Variants in ST8SIA6 observed in about 807,000 individuals in gnomAD.
ST8SIA6 encodes the protein ST8 alpha-N-acetyl-neuraminide alpha-2,8-sialyltransferase 6.
In ST8SIA6, 39 loss-of-function variants were observed where a neutral mutation model predicts 33.6. That is an observed-to-expected ratio of 1.16 (90% confidence interval 0.90 to 1.52). ST8SIA6 has a LOEUF of 1.52. ST8SIA6 is among the 40% of genes most tolerant of loss of function. ST8SIA6 has a pLI of 0.00. For synonymous variants in ST8SIA6, 172 were observed against 167.2 expected, an observed-to-expected ratio of 1.03 and a Z score of -0.22; for missense variants, 441 against 443.8, an observed-to-expected ratio of 0.99 and a Z score of 0.06.
chr10:17,318,700 A>G lies in ST8SIA6; in HGVS notation c.*2178T>C, dbSNP rs1847848368. ...GTTGTGGCGAATCTACAAATCTACAAGATGGAGTTTATAGTTTTTCTTTTT... is the reference window on the plus strand; with the variant it reads ...GTTGTGGCGAATCTACAAATCTACAGGATGGAGTTTATAGTTTTTCTTTTT... On this transcript the variant is annotated 3_prime_UTR_variant, in exon 8 of 8. Transcript: ENST00000377602. 2.1e-6 allele frequency: 1 copy of G among 471,236 alleles called. No homozygotes were observed. The highest frequency in any genetic ancestry group is 4.4e-6 in the Non-Finnish European group (1 of 227,086). The allele number at this position is 471,236 out of a possible 1,614,324, so 29.2% of individuals were successfully genotyped here.
chr10:17,448,380 C>T (rs1371148869), intron 2 of ST8SIA6, among the ~76,000 whole-genome samples: 1 of 152,084 alleles, frequency 6.6e-6, no homozygotes, highest in East Asian at 1.9e-4. Flanking sequence ...CCACACAATC[C>T]CAAATCATCA....
chr10:17,360,891 A>T (rs575011776), intron 3 of ST8SIA6, among the ~76,000 whole-genome samples: 8 of 150,682 alleles, frequency 5.3e-5, no homozygotes, highest in Admixed American at 5.3e-4. Flanking sequence ...AGAAGAAAGA[A>T]GATGACGAAG....
rs142192557 is a variant in ST8SIA6 at position 17,380,853 on chromosome 10, T to TTGTGTGTA, written c.290+9670_290+9677dup. ...TGTTTGTATGTGTACGTTTGTGTGTTTGTGTGTATGTGTTTGTATGTGTAC... is the reference window on the plus strand; with the variant it reads ...TGTTTGTATGTGTACGTTTGTGTGTTTGTGTGTATGTGTGTATGTGTTTGTATGTGTAC... On this transcript the variant is annotated intron_variant, in intron 3 of 7. Coordinates refer to ENST00000377602, the MANE Select transcript of ST8SIA6 (RefSeq NM_001004470.3). Among the ~76,000 whole-genome samples the TTGTGTGTA allele has an allele frequency of 4.7e-3, 408 of 86,258 alleles. 22 individuals are homozygous for TTGTGTGTA. Among genetic ancestry groups the TTGTGTGTA allele is most frequent in the East Asian group, 0.027 (26 of 978 alleles). 56.6% of individuals were successfully genotyped at this position (86,258 alleles called of 152,430 possible). A position where few individuals can be genotyped will look rare whatever the true frequency, so the allele number is the denominator to read the frequency against.
chr10:17,412,525 G>A (rs565549670), intron 2 of ST8SIA6, among the ~76,000 whole-genome samples: 1 of 152,154 alleles, frequency 6.6e-6, no homozygotes, highest in African/African-American at 2.4e-5. Context: ...ATTAACCTGC[G>A]TGAGCTCCAC....
At chr10:17,414,397 C>G (rs909196061) in intron 2 of ST8SIA6, among the ~76,000 whole-genome samples, 1 of 152,200 alleles carries the variant, frequency 6.6e-6, no homozygotes, top group Non-Finnish European at 1.5e-5. Context: ...CTGCTGATGA[C>G]CTCACTTCAT....
chr10:17,378,897 C>T lies in ST8SIA6; in HGVS notation c.290+11634G>A, dbSNP rs558670779. On this transcript the variant is annotated intron_variant, in intron 3 of 7. Transcript: ENST00000377602. The stretch of plus-strand genomic sequence containing the variant: ...ATCCCAACACTTTGGGAGGTCAAGG[C>T]GGGCGGATCATGAGGTCAGGAGATC... Among the ~76,000 whole-genome samples the T allele has an allele frequency of 3.1e-3, 473 of 152,174 alleles. 1 individual carries two copies. Among genetic ancestry groups the T allele is most frequent in the African/African-American group, 0.011 (445 of 41,520 alleles).
intron 3 of ST8SIA6, chr10:17,387,094 A>G (rs1850395500): frequency 6.6e-6 from 1 of 152,260 alleles, no homozygotes; most frequent in Non-Finnish European, 1.5e-5. Flanking sequence ...CACGTACGTC[A>G]GCCTCCCTGG....
chr10:17,333,990 G>A (rs1848419580), intron 4 of ST8SIA6, among the ~76,000 whole-genome samples: 1 of 148,992 alleles, frequency 6.7e-6, no homozygotes, highest in African/African-American at 2.5e-5. Context: ...CAAAGTGCTG[G>A]GATTACAGGC....
At chr10:17,351,411 A>G (rs564403809) in intron 4 of ST8SIA6, among the ~76,000 whole-genome samples, 1 of 150,338 alleles carries the variant, frequency 6.7e-6, no homozygotes, top group African/African-American at 2.5e-5. Flanking sequence ...GATAAAAGTA[A>G]AAAAAAATTT....
chr10:17,323,557 G>A (rs952460828), intron 6 of ST8SIA6, among the ~76,000 whole-genome samples: 2 of 151,772 alleles, frequency 1.3e-5, no homozygotes, highest in South Asian at 4.1e-4. Context: ...AAGCGAATTT[G>A]TATTTTTAGT....
intron 3 of ST8SIA6, among the ~76,000 whole-genome samples, chr10:17,365,258 G>A (rs534460704): frequency 6.6e-6 from 1 of 152,180 alleles, no homozygotes; most frequent in Admixed American, 6.5e-5. Context: ...TTCTAGAAAC[G>A]TCTCTTTGAA....
chr10:17,325,069 T>C (rs1288482262), intron 6 of ST8SIA6, among the ~76,000 whole-genome samples: 2 of 141,902 alleles, frequency 1.4e-5, no homozygotes, highest in Non-Finnish European at 3.0e-5. Flanking sequence ...ATATTATACA[T>C]ATATAATTAC....
intron 2 of ST8SIA6, 47 bp from the exon 3 acceptor site, chr10:17,390,667 C>T (rs771321502): frequency 1.4e-6 from 2 of 1,467,726 alleles, no homozygotes; most frequent in East Asian, 4.5e-5. Flanking sequence ...AAAATGAGAG[C>T]TTATAAGATA....
chr10:17,370,349 T>C (rs1243060083), intron 3 of ST8SIA6, among the ~76,000 whole-genome samples: 1 of 152,222 alleles, frequency 6.6e-6, no homozygotes, highest in African/African-American at 2.4e-5. Flanking sequence ...TTTATATAGT[T>C]AGATTTATGT....
intron 2 of ST8SIA6, among the ~76,000 whole-genome samples, chr10:17,416,115 T>C (rs761328343): frequency 3.9e-4 from 60 of 152,174 alleles, no homozygotes; most frequent in Non-Finnish European, 6.0e-4. Flanking sequence ...GCCGCACTTA[T>C]CTTACTTGAT....
chr10:17,407,638 A>G lies in ST8SIA6; in HGVS notation c.201-17018T>C, dbSNP rs1201580014. On this transcript the variant is annotated intron_variant, in intron 2 of 7. Transcript: ENST00000377602. Reference sequence around the variant, plus strand: ...TGTGAGTAAATCTTTTCTCTTTTGCAAAACCCATTGTCACCATGACTGGCT... The same window carrying G: ...TGTGAGTAAATCTTTTCTCTTTTGCGAAACCCATTGTCACCATGACTGGCT... Among the ~76,000 whole-genome samples, 3 of 152,206 alleles carry G rather than the reference A, an allele frequency of 2.0e-5. No individual in the cohort carries two copies. In the South Asian group the frequency reaches 6.2e-4, roughly 32 times the overall value.
chr10:17,415,960 AC>A (rs1222094263), intron 2 of ST8SIA6, among the ~76,000 whole-genome samples: 1 of 151,644 alleles, frequency 6.6e-6, no homozygotes, highest in African/African-American at 2.4e-5. Flanking sequence ...CAGGTGCGCC[AC>A]CGTGCTCAGC....
intron 2 of ST8SIA6, among the ~76,000 whole-genome samples, chr10:17,402,704 C>T (rs1851094301): frequency 6.6e-6 from 1 of 151,814 alleles, no homozygotes; most frequent in Non-Finnish European, 1.5e-5. Context: ...TGTTCTCACT[C>T]ATAGGTGGGA....
Position 17,417,145 on chromosome 10 carries a change from T to TAG in ST8SIA6, c.201-26527_201-26526dup, listed in dbSNP as rs147468456. On this transcript the variant is annotated intron_variant, in intron 2 of 7. Coordinates refer to ENST00000377602, the MANE Select transcript of ST8SIA6 (RefSeq NM_001004470.3). ...AAGGAGAGCCAGCACATCACATGGA[T>TAG]AGAGAGAGAGAGAGAGGAGACAGTG... 5.0e-4 allele frequency among the ~76,000 whole-genome samples: 75 copies of TAG among 150,008 alleles called. 1 individual carries two copies. Among genetic ancestry groups the TAG allele is most frequent in the African/African-American group, 8.5e-4 (35 of 41,088 alleles).
Sources: allele counts gnomAD v4.1 joint callset (sites outside exome capture counted in the v4.1 genomes callset), GRCh38; gene constraint gnomAD v4.1.1; transcripts MANE v1.5; gene names NCBI Gene and HGNC (gene_info 2026-07-23, HGNC 2026-07-21).